Variants in IMMP2L observed in about 807,000 individuals in gnomAD.
The protein encoded by IMMP2L is inner mitochondrial membrane peptidase subunit 2.
Under a neutral mutation model 19.3 loss-of-function variants are expected in IMMP2L, and 18 were observed. That is an observed-to-expected ratio of 0.93 (90% CI 0.64 to 1.38). The LOEUF (loss-of-function observed/expected upper bound fraction) is 1.38, where lower values mean the gene tolerates loss of function less well. Ranked by LOEUF, IMMP2L falls within the 40% of genes most tolerant of loss-of-function variation. The pLI is 0.00. For missense variants in IMMP2L, 233 were observed against 218.2 expected (o/e 1.07, Z -0.43); for synonymous variants, 76 against 73.0 (o/e 1.04, Z -0.21).
chr7:110,790,539 C>CAGAT (rs1800393767), intron 5 of IMMP2L, among the ~76,000 whole-genome samples: 1 of 151,638 alleles, frequency 6.6e-6, no homozygotes. Context: ...CTAAGGTGGT[C>CAGAT]AGATACAGGA....
chr7:111,540,299 A>G (rs1251646547), intron 1 of IMMP2L, among the ~76,000 whole-genome samples: 1 of 152,188 alleles, frequency 6.6e-6, no homozygotes, highest in African/African-American at 2.4e-5. Context: ...GGTGAACACA[A>G]TGAAGACTAA....
At chr7:111,207,633 T>C (rs1373738603) in intron 3 of IMMP2L, among the ~76,000 whole-genome samples, 1 of 148,548 alleles carries the variant, frequency 6.7e-6, no homozygotes, top group Non-Finnish European at 1.5e-5. Context: ...CCTTCCGGGT[T>C]CAAGCGATTC....
chr7:110,680,280 T>A (rs1792621343), intron 5 of IMMP2L, among the ~76,000 whole-genome samples: 2 of 152,184 alleles, frequency 1.3e-5, no homozygotes, highest in Admixed American at 1.3e-4. Flanking sequence ...CTGTTCTAAG[T>A]TGTTTGTGGC....
chr7:111,371,373 C>T (rs1013428370), intron 3 of IMMP2L, among the ~76,000 whole-genome samples: 1 of 152,014 alleles, frequency 6.6e-6, no homozygotes, highest in Non-Finnish European at 1.5e-5. Flanking sequence ...AAAAGAAGAT[C>T]TTACTGGGGT....
intron 5 of IMMP2L, among the ~76,000 whole-genome samples, chr7:110,884,415 A>C (rs1165109122): frequency 6.6e-6 from 1 of 152,066 alleles, no homozygotes; most frequent in Non-Finnish European, 1.5e-5. Context: ...TGCACTGAAC[A>C]ACACTACCAG....
At chr7:111,425,323 GAGATTAGGGTT>G (rs1835966738) in intron 3 of IMMP2L, among the ~76,000 whole-genome samples, 1 of 144,912 alleles carries the variant, frequency 6.9e-6, no homozygotes, top group Non-Finnish European at 1.6e-5. Context: ...TATCTTGATA[GAGATTAGGGTT>G]ACACAACATA....
At position 111,075,426 on chromosome 7, in the gene IMMP2L, C is replaced by T. The variant is rs554854558; in HGVS notation, c.240-111861G>A. 2.0e-5 allele frequency among the ~76,000 whole-genome samples: 3 copies of T among 152,236 alleles called. No individual in the cohort carries two copies. In the East Asian group the frequency reaches 5.8e-4, roughly 29 times the overall value. The stretch of plus-strand genomic sequence containing the variant: ...TACAGGTGTGAGCCACTGCACCCGA[C>T]CTTGTTTACAGACACTTAAAAGTTT... On this transcript the variant is annotated intron_variant, in intron 3 of 5. Transcript: ENST00000405709.
At chr7:111,537,527 CTTTTTTTTTTT>C in intron 1 of IMMP2L, among the ~76,000 whole-genome samples, 1 of 78,596 alleles carries the variant, frequency 1.3e-5, no homozygotes, top group Admixed American at 1.5e-4. Context: ...ATCACTTCCA[CTTTTTTTTTTT>C]TTTTTTTTTT....
chr7:111,487,416 C>T (rs1842749204), intron 2 of IMMP2L, 75 bp from the exon 3 acceptor site: 2 of 830,710 alleles, frequency 2.4e-6, no homozygotes, highest in Middle Eastern at 2.3e-4. Flanking sequence ...CTTCACAGCT[C>T]GAGTGGACTG....
At chr7:111,198,275 G>T (rs1250165901) in intron 3 of IMMP2L, among the ~76,000 whole-genome samples, 1 of 152,152 alleles carries the variant, frequency 6.6e-6, no homozygotes, top group Non-Finnish European at 1.5e-5. Flanking sequence ...TATGGCTCCA[G>T]ATCTGCCCTT....
chr7:111,202,257 A>C (rs1169680691), intron 3 of IMMP2L, among the ~76,000 whole-genome samples: 1 of 152,176 alleles, frequency 6.6e-6, no homozygotes, highest in East Asian at 1.9e-4. Flanking sequence ...TGTAATTAAA[A>C]TCCATTAATG....
Position 111,562,445 on chromosome 7 carries a change from G to T in IMMP2L, c.-597C>A, listed in dbSNP as rs12154613. 117,736 of 150,916 alleles carry T rather than the reference G, an allele frequency of 0.78. 47,545 individuals are homozygous for T. The highest frequency in any genetic ancestry group is 0.97 in the East Asian group (4,849 of 5,000). 9.3% of individuals were successfully genotyped at this position (150,916 alleles called of 1,614,324 possible). A position where few individuals can be genotyped will look rare whatever the true frequency, so the allele number is the denominator to read the frequency against. Reference sequence around the variant, plus strand: ...AGCCCCCCACCCGCCGCCGGACGCCGGGCGCCCGCCCTCCGCACCCGCTGC... The same window carrying T: ...AGCCCCCCACCCGCCGCCGGACGCCTGGCGCCCGCCCTCCGCACCCGCTGC... On this transcript the variant is annotated 5_prime_UTR_variant, in exon 1 of 6. Coordinates refer to ENST00000405709, the MANE Select transcript of IMMP2L (RefSeq NM_032549.4).
At chr7:111,077,841 C>T (rs924453346) in intron 3 of IMMP2L, among the ~76,000 whole-genome samples, 4 of 152,178 alleles carry the variant, frequency 2.6e-5, no homozygotes, top group Non-Finnish European at 5.9e-5. Flanking sequence ...ATTACTCATG[C>T]ACACTGGCCT....
intron 3 of IMMP2L, among the ~76,000 whole-genome samples, chr7:111,212,607 T>C (rs909704642): frequency 1.3e-5 from 2 of 152,026 alleles, no homozygotes; most frequent in Non-Finnish European, 2.9e-5. Context: ...TGGGACCCTG[T>C]CCACTACCAC....
intron 5 of IMMP2L, among the ~76,000 whole-genome samples, chr7:110,856,216 A>G (rs17158038): frequency 0.036 from 5,443 of 152,122 alleles, 310 homozygotes; most frequent in African/African-American, 0.12. Flanking sequence ...CTGGTCTGTT[A>G]AAGTAAGGTT....
chr7:110,774,486 T>C (rs923945167), intron 5 of IMMP2L, among the ~76,000 whole-genome samples: 4 of 152,078 alleles, frequency 2.6e-5, no homozygotes, highest in African/African-American at 4.8e-5. Flanking sequence ...CCTTCACATA[T>C]TATGAAATAA....
intron 5 of IMMP2L, among the ~76,000 whole-genome samples, chr7:110,782,598 G>A (rs186328959): frequency 6.6e-6 from 1 of 151,634 alleles, no homozygotes; most frequent in Non-Finnish European, 1.5e-5. Flanking sequence ...ATGTTTATTT[G>A]CATATATTAG....
At chr7:110,894,243 A>G (rs1811100965) in intron 4 of IMMP2L, among the ~76,000 whole-genome samples, 1 of 152,182 alleles carries the variant, frequency 6.6e-6, no homozygotes, top group Non-Finnish European at 1.5e-5. Context: ...CAGCTACCTC[A>G]GGAGTAAAGT....
At chr7:110,818,575 A>T (rs1031816748) in intron 5 of IMMP2L, among the ~76,000 whole-genome samples, 1 of 152,046 alleles carries the variant, frequency 6.6e-6, no homozygotes, top group African/African-American at 2.4e-5. Context: ...AGGGATCTAG[A>T]ACTAGAAATA....
Sources: gnomAD v4.1 joint callset for allele counts (sites outside exome capture counted in the v4.1 genomes callset) on GRCh38, gnomAD v4.1.1 for gene constraint, MANE v1.5 for transcripts, NCBI Gene and HGNC (gene_info 2026-07-23, HGNC 2026-07-21) for gene names.